Variants in COBL observed in about 807,000 individuals in gnomAD.
COBL encodes cordon-bleu WH2 repeat protein.
A neutral mutation model predicts 98.8 loss-of-function variants in COBL; 51 were observed. The ratio of observed to expected loss-of-function variants is 0.52; its 90% CI spans 0.41 to 0.65. The LOEUF is 0.65. COBL is among the 30% of genes least tolerant of loss of function. The pLI, the probability that COBL is intolerant of heterozygous loss-of-function variation, is 0.00. For missense variants in COBL, 1,617 were observed against 1,617.5 expected (o/e 1.00, Z 0.01); for synonymous variants, 634 against 651.7 (o/e 0.97, Z 0.41).
chr7:51,190,755 C>T, intron 4 of COBL, 95 bp downstream of exon 4: 2 of 967,622 alleles, frequency 2.1e-6, no homozygotes, highest in Non-Finnish European at 3.2e-6. Flanking sequence ...CTCCCTGGCG[C>T]TACTGAGAGT....
chr7:51,237,205 T>G (rs1053757545), intron 1 of COBL, among the ~76,000 whole-genome samples: 3 of 152,212 alleles, frequency 2.0e-5, no homozygotes, highest in Admixed American at 2.0e-4. Flanking sequence ...TTGCTTTGAC[T>G]TAGCACTCAC....
intron 8 of COBL, chr7:51,034,688 G>T (rs1387331072): frequency 6.6e-6 from 1 of 152,216 alleles, no homozygotes; most frequent in African/African-American, 2.4e-5. Flanking sequence ...TAGCAGGGGA[G>T]CCCTAGGTAT....
intron 6 of COBL, among the ~76,000 whole-genome samples, chr7:51,106,965 C>A (rs1039894994): frequency 6.6e-6 from 1 of 151,578 alleles, no homozygotes; most frequent in Admixed American, 6.6e-5. Context: ...AGCTTATAAT[C>A]GTATAAATTT....
At chr7:51,184,601 A>G (rs1338054371) in intron 4 of COBL, among the ~76,000 whole-genome samples, 1 of 152,252 alleles carries the variant, frequency 6.6e-6, no homozygotes, top group African/African-American at 2.4e-5. Context: ...ATTTAATCCA[A>G]TACATCTAAA....
chr7:51,093,562 C>T (rs1189251071), intron 6 of COBL, among the ~76,000 whole-genome samples: 1 of 152,178 alleles, frequency 6.6e-6, no homozygotes, highest in African/African-American at 2.4e-5. Flanking sequence ...TTCATTTCAA[C>T]ATTATTATGA....
chr7:51,040,604 A>C (rs1478305545), intron 8 of COBL, among the ~76,000 whole-genome samples: 5 of 152,328 alleles, frequency 3.3e-5, no homozygotes, highest in Non-Finnish European at 7.4e-5. Flanking sequence ...GTGTATGATC[A>C]AAAGGTAATG....
chr7:51,308,484 T>C, intron 1 of COBL, among the ~76,000 whole-genome samples: 1 of 152,200 alleles, frequency 6.6e-6, no homozygotes, highest in East Asian at 1.9e-4. Flanking sequence ...TAGCCTTAGT[T>C]TGCTACTTAC....
At chr7:51,088,286 CT>C in intron 6 of COBL, among the ~76,000 whole-genome samples, 1 of 152,152 alleles carries the variant, frequency 6.6e-6, no homozygotes, top group South Asian at 2.1e-4. Context: ...ACTGAGGATT[CT>C]AATTCAATTG....
At chr7:51,209,736 C>A (rs1476688103) in intron 2 of COBL, among the ~76,000 whole-genome samples, 1 of 152,090 alleles carries the variant, frequency 6.6e-6, no homozygotes, top group Non-Finnish European at 1.5e-5. Flanking sequence ...GGAGTGGGTC[C>A]CTGGATTTCC....
At chr7:51,278,057 A>G (rs944321631) in intron 1 of COBL, among the ~76,000 whole-genome samples, 4 of 152,196 alleles carry the variant, frequency 2.6e-5, no homozygotes, top group African/African-American at 4.8e-5. Context: ...CGTCTCAACT[A>G]CAATCATCTC....
At chr7:51,244,857 G>C (rs192719820) in intron 1 of COBL, among the ~76,000 whole-genome samples, 9 of 152,318 alleles carry the variant, frequency 5.9e-5, no homozygotes, top group Admixed American at 2.0e-4. Flanking sequence ...TGTCTGCAGA[G>C]ACCCCAGGGA....
At chr7:51,291,355 C>G (rs949013868) in intron 1 of COBL, among the ~76,000 whole-genome samples, 3 of 152,180 alleles carry the variant, frequency 2.0e-5, no homozygotes, top group Non-Finnish European at 2.9e-5. Context: ...TCATATACAA[C>G]TGTAAAAAGT....
At chr7:51,270,025 A>G (rs1032221086) in intron 1 of COBL, among the ~76,000 whole-genome samples, 2 of 152,150 alleles carry the variant, frequency 1.3e-5, no homozygotes, top group African/African-American at 4.8e-5. Flanking sequence ...AAAAGTTCCC[A>G]ACGGACATGT....
intron 1 of COBL, among the ~76,000 whole-genome samples, chr7:51,293,758 C>A (rs1801128077): frequency 6.6e-6 from 1 of 152,096 alleles, no homozygotes. Flanking sequence ...GAAATTCATC[C>A]ATAAGTGAGA....
At chr7:51,154,156 G>T (rs576375163) in intron 5 of COBL, among the ~76,000 whole-genome samples, 2 of 152,310 alleles carry the variant, frequency 1.3e-5, no homozygotes, top group South Asian at 4.1e-4. Flanking sequence ...GAGCAGCTTA[G>T]CCCAGGCTTA....
intron 1 of COBL, among the ~76,000 whole-genome samples, chr7:51,250,010 G>A (rs12719043): frequency 0.31 from 47,794 of 151,926 alleles, 9,236 homozygotes; most frequent in Non-Finnish European, 0.43. Flanking sequence ...GCTGAGGCAG[G>A]AGAATTACTA....
intron 6 of COBL, among the ~76,000 whole-genome samples, chr7:51,110,636 C>A (rs796965917): frequency 6.6e-6 from 1 of 152,310 alleles, no homozygotes; most frequent in African/African-American, 2.4e-5. Context: ...ACACCCATCA[C>A]CCAAGCGGTA....
chr7:51,295,670 C>A (rs1801357285), intron 1 of COBL, among the ~76,000 whole-genome samples: 1 of 152,184 alleles, frequency 6.6e-6, no homozygotes, highest in African/African-American at 2.4e-5. Flanking sequence ...GTTAACTGTT[C>A]TGTGCCTCTG....
chr7:51,298,709 G>A (rs150491045), intron 1 of COBL, among the ~76,000 whole-genome samples: 1 of 152,322 alleles, frequency 6.6e-6, no homozygotes, highest in African/African-American at 2.4e-5. Flanking sequence ...GTGCAAATGT[G>A]TAAATTTTCA....
Sources: allele counts gnomAD v4.1 joint callset (sites outside exome capture counted in the v4.1 genomes callset), GRCh38; gene constraint gnomAD v4.1.1; transcripts MANE v1.5; gene names NCBI Gene and HGNC (gene_info 2026-07-23, HGNC 2026-07-21).